SATL1: variants seen among roughly 807,000 people sequenced by gnomAD.
SATL1 encodes the protein spermidine/spermine N(1)-acetyltransferase-like protein 1.
A neutral mutation model predicts 51.8 loss-of-function variants in SATL1; 47 were observed. That is an observed-to-expected ratio of 0.91 (90% CI 0.72 to 1.16). SATL1 has a LOEUF of 1.16. Among genes scored for constraint, SATL1 ranks in the 50% most tolerant of loss-of-function variants. SATL1 has a pLI of 0.00. For synonymous variants in SATL1, 176 were observed against 182.4 expected, an observed-to-expected ratio of 0.97 and a Z score of 0.28; for missense variants, 520 against 526.4, an observed-to-expected ratio of 0.99 and a Z score of 0.12.
chrX:85,196,879 A>G (rs1927575791), intron 2 of SATL1, among the ~76,000 whole-genome samples: 1 of 112,020 alleles, frequency 8.9e-6, no homozygotes, highest in Non-Finnish European at 1.9e-5. Context: ...AAGGAGCTAA[A>G]ACTATACAAC....
At chrX:85,130,018 C>G (rs1401877913) in intron 2 of SATL1, among the ~76,000 whole-genome samples, 1 of 111,761 alleles carries the variant, frequency 8.9e-6, no homozygotes, top group Non-Finnish European at 1.9e-5. Context: ...GGTGGATAAG[C>G]TTTTTGATGT....
chrX:85,171,860 T>C (rs1926979312), intron 2 of SATL1, among the ~76,000 whole-genome samples: 1 of 111,718 alleles, frequency 9.0e-6, no homozygotes, highest in South Asian at 3.7e-4. Flanking sequence ...TGAGCATTAA[T>C]GTCTAGATTG....
At chrX:85,147,592 C>A (rs1246283948) in intron 2 of SATL1, among the ~76,000 whole-genome samples, 1 of 111,888 alleles carries the variant, frequency 8.9e-6, no homozygotes, top group African/African-American at 3.3e-5. Context: ...CAGACTGACA[C>A]CTCACACAGC....
intron 1 of SATL1, among the ~76,000 whole-genome samples, chrX:85,228,369 A>G (rs1265563962): frequency 9.1e-6 from 1 of 110,467 alleles, no homozygotes; most frequent in Non-Finnish European, 1.9e-5. Flanking sequence ...TCTCTACTGG[A>G]TCAGTTCCAA....
At chrX:85,227,171 C>T (rs1928292228) in intron 1 of SATL1, among the ~76,000 whole-genome samples, 1 of 111,358 alleles carries the variant, frequency 9.0e-6, no homozygotes, top group Non-Finnish European at 1.9e-5. Context: ...CTTATTGCTA[C>T]CTAGCAATCA....
chrX:85,152,229 C>T (rs1879900941), intron 2 of SATL1, among the ~76,000 whole-genome samples: 1 of 112,173 alleles, frequency 8.9e-6, no homozygotes, highest in African/African-American at 3.2e-5. Flanking sequence ...CTCACCATCA[C>T]TGGCCATCAG....
intron 2 of SATL1, among the ~76,000 whole-genome samples, chrX:85,218,730 T>TA (rs920457384): frequency 7.2e-5 from 8 of 111,439 alleles, no homozygotes; most frequent in African/African-American, 1.3e-4. Context: ...TATAGTATGA[T>TA]AAAAAAAAGA....
chrX:85,135,276 A>G (rs1229157063), intron 2 of SATL1, among the ~76,000 whole-genome samples: 1 of 110,801 alleles, frequency 9.0e-6, no homozygotes, highest in Admixed American at 9.7e-5. Flanking sequence ...ACCATGGCAC[A>G]TGTTTACCTA....
intron 2 of SATL1, among the ~76,000 whole-genome samples, chrX:85,204,765 C>T (rs371590574): frequency 1.8e-5 from 2 of 111,931 alleles, no homozygotes; most frequent in South Asian, 7.4e-4. Context: ...TTCGCCAGAT[C>T]TTAAATACCC....
chrX:85,164,721 GA>G (rs1309571759), intron 2 of SATL1, among the ~76,000 whole-genome samples: 1 of 100,794 alleles, frequency 9.9e-6, no homozygotes, highest in African/African-American at 3.6e-5. Flanking sequence ...CCTAGGTGAT[GA>G]ATTTTTTTTT....
intron 2 of SATL1, among the ~76,000 whole-genome samples, chrX:85,221,711 C>A (rs1484941923): frequency 3.6e-5 from 4 of 112,092 alleles, no homozygotes; most frequent in Non-Finnish European, 7.5e-5. Context: ...TTAGGCTGCC[C>A]ATGAAAGAGT....
At chrX:85,181,202 T>TAC (rs767002404) in intron 2 of SATL1, among the ~76,000 whole-genome samples, 1 of 67,960 alleles carries the variant, frequency 1.5e-5, no homozygotes, top group African/African-American at 1.1e-4. Context: ...TATATATATA[T>TAC]ACACATATAT....
chrX:85,168,988 T>A (rs183531841), intron 2 of SATL1, among the ~76,000 whole-genome samples: 1 of 111,770 alleles, frequency 8.9e-6, no homozygotes, highest in East Asian at 2.8e-4. Flanking sequence ...AACCATCCGA[T>A]CTTTGACAAA....
chrX:85,186,554 G>T (rs1927317778), intron 2 of SATL1, among the ~76,000 whole-genome samples: 1 of 111,366 alleles, frequency 9.0e-6, no homozygotes, highest in African/African-American at 3.3e-5. Context: ...CCTCTGTCTA[G>T]GGCTGGTCTA....
chrX:85,240,139 T>C (rs1286587472), intron 1 of SATL1, among the ~76,000 whole-genome samples: 3 of 111,376 alleles, frequency 2.7e-5, no homozygotes, highest in Non-Finnish European at 5.7e-5. Context: ...AACAACCACA[T>C]TAAAAGATGG....
intron 2 of SATL1, among the ~76,000 whole-genome samples, chrX:85,133,436 T>C (rs1260451184): frequency 8.9e-6 from 1 of 112,351 alleles, no homozygotes; most frequent in African/African-American, 3.2e-5. Context: ...CAAGGCTCCA[T>C]GGGTGTGGGA....
intron 1 of SATL1, among the ~76,000 whole-genome samples, chrX:85,225,603 G>A (rs1022772719): frequency 8.9e-6 from 1 of 112,150 alleles, no homozygotes; most frequent in Non-Finnish European, 1.9e-5. Context: ...AAGCATTCTG[G>A]ATAGATGGGG....
At chrX:85,092,769 A>G (rs967164244) in intron 7 of SATL1, 37 of 377,666 alleles carry the variant, frequency 9.8e-5, no homozygotes, top group African/African-American at 8.6e-4. Flanking sequence ...TAAAATCTCA[A>G]AACTGATTTG....
chrX:85,110,922 G>A (rs1311013719), intron 2 of SATL1, among the ~76,000 whole-genome samples: 1 of 112,795 alleles, frequency 8.9e-6, no homozygotes, highest in Non-Finnish European at 1.9e-5. Context: ...ACAATCCAAT[G>A]AGGTAGGAGA....
Sources: gnomAD v4.1 joint callset for allele counts (sites outside exome capture counted in the v4.1 genomes callset) on GRCh38, gnomAD v4.1.1 for gene constraint, MANE v1.5 for transcripts, NCBI Gene and HGNC (gene_info 2026-07-23, HGNC 2026-07-21) for gene names.